SSH1: variants seen among roughly 807,000 people sequenced by gnomAD.
The protein encoded by SSH1 is slingshot protein phosphatase 1.
A neutral mutation model predicts 79.7 loss-of-function variants in SSH1; 43 were observed. The ratio of observed to expected loss-of-function variants is 0.54; its 90% CI spans 0.42 to 0.70. The LOEUF is 0.70. Ranked by LOEUF, SSH1 falls within the 30% of genes least tolerant of loss-of-function variation. SSH1 has a pLI of 0.00. For synonymous variants in SSH1, 599 were observed against 538.3 expected (o/e 1.11, Z -1.56); for missense variants, 1,206 against 1,358.8 (o/e 0.89, Z 1.77).
intron 2 of SSH1, chr12:108,836,777 C>T (rs985379443): frequency 2.6e-5 from 10 of 383,752 alleles, no homozygotes; most frequent in African/African-American, 1.8e-4. Context: ...CATAGTGGGA[C>T]AAAAGGAAAT....
At chr12:108,792,133 A>G in intron 14 of SSH1, 153 bp downstream of exon 14, 15 of 1,497,662 alleles carry the variant, frequency 1.0e-5, no homozygotes, top group Non-Finnish European at 1.3e-5. Context: ...GTCCCTGGAG[A>G]TGGGAGCTGG....
At position 108,807,949 on chromosome 12, in the gene SSH1, T is replaced by C; in HGVS notation, c.537-122A>G. On this transcript the variant is annotated intron_variant, in intron 7 of 14. Coordinates refer to ENST00000326495, the MANE Select transcript of SSH1 (RefSeq NM_018984.4). This position sits in a 1 kb window ranked among gnomAD's most constrained non-coding sequence, Gnocchi z 5.2. ...CAATGATTGATTGGTTGATTATTTCTTTTTGGGACAGAGTCTCGCTCTGTC... is the reference window on the plus strand; with the variant it reads ...CAATGATTGATTGGTTGATTATTTCCTTTTGGGACAGAGTCTCGCTCTGTC... 1.1e-6 allele frequency: 1 copy of C among 910,462 alleles called. No homozygotes were observed. The highest frequency in any genetic ancestry group is 1.7e-6 in the Non-Finnish European group (1 of 579,220). The allele number at this position is 910,462 out of a possible 1,614,324, so 56.4% of individuals were successfully genotyped here. A position where few individuals can be genotyped will look rare whatever the true frequency, so the allele number is the denominator to read the frequency against.
intron 2 of SSH1, among the ~76,000 whole-genome samples, chr12:108,835,792 G>C (rs1465762067): frequency 6.7e-6 from 1 of 150,254 alleles, no homozygotes; most frequent in African/African-American, 2.5e-5. Context: ...ACTGCTCACA[G>C]GCAAGGAATG....
In SSH1 at chr12:108,806,307, G is replaced by A. The variant is rs1286189052; in HGVS notation, c.819C>T (p.Ser273=). 1 of 1,614,076 alleles carries A rather than the reference G, an allele frequency of 6.2e-7. No homozygotes were observed. Among genetic ancestry groups the A allele is most frequent in the South Asian group, 1.1e-5 (1 of 91,086 alleles). The change falls in exon 9 of 15, where the codon TCC becomes TCT. Residue 273 remains serine (S), a synonymous_variant. Transcript: ENST00000326495. Reference sequence around the variant, plus strand: ...AAGGGAGGAGTTGTCTTACCTCTTTGGAAGTCACATTTTCTAGATCCTGGC... The same window carrying A: ...AAGGGAGGAGTTGTCTTACCTCTTTAGAAGTCACATTTTCTAGATCCTGGC... ...MMSQDLENVT[S]KEIRNELEKQ...
rs747249189 is a variant in SSH1, at chr12:108,805,193, T to C, written c.826-9A>G. ...TCTAATTCATTACGAATCTGTGGAG[T>C]AGAAAATATTAGGAAAAGTGATTTG... On this transcript the variant is annotated splice_polypyrimidine_tract_variant and intron_variant, in intron 9 of 14. Transcript: ENST00000326495. 2.7e-5 allele frequency: 43 copies of C among 1,608,754 alleles called. 1 individual carries two copies. The South Asian group carries it at 4.3e-4, about 16-fold the overall frequency.
At chr12:108,810,111 T>G (rs913581198) in intron 6 of SSH1, among the ~76,000 whole-genome samples, 3 of 152,102 alleles carry the variant, frequency 2.0e-5, no homozygotes, top group Non-Finnish European at 2.9e-5. Flanking sequence ...CCGTTCCTTT[T>G]TGTAATTGCA....
intron 1 of SSH1, among the ~76,000 whole-genome samples, chr12:108,854,371 C>G (rs2039103161): frequency 6.6e-6 from 1 of 152,170 alleles, no homozygotes; most frequent in Non-Finnish European, 1.5e-5. Flanking sequence ...TCAGAAATAA[C>G]AATGTTATGA....
At position 108,848,339 on chromosome 12, in the gene SSH1, G is replaced by A. The variant is rs143884596; in HGVS notation, c.110+4299C>T. Among the ~76,000 whole-genome samples the A allele has an allele frequency of 7.9e-5, 12 of 152,178 alleles. No homozygotes were observed. In the East Asian group the frequency reaches 2.1e-3, roughly 27 times the overall value. Reference sequence around the variant, plus strand: ...TGGATGAATCAGAGCTGACTTTTTCGATGACCCAAAAGATGAAACTATTAA... The same window carrying A: ...TGGATGAATCAGAGCTGACTTTTTCAATGACCCAAAAGATGAAACTATTAA... On this transcript the variant is annotated intron_variant, in intron 2 of 14. Coordinates refer to ENST00000326495, the MANE Select transcript of SSH1 (RefSeq NM_018984.4).
At chr12:108,801,583 T>A (rs1228341920) in intron 11 of SSH1, among the ~76,000 whole-genome samples, 4 of 152,196 alleles carry the variant, frequency 2.6e-5, no homozygotes, top group Non-Finnish European at 5.9e-5. Flanking sequence ...TGGCCTTACG[T>A]TTTAAGAATA....
intron 3 of SSH1, among the ~76,000 whole-genome samples, chr12:108,819,354 T>C (rs1183165885): frequency 6.6e-6 from 1 of 151,964 alleles, no homozygotes; most frequent in Non-Finnish European, 1.5e-5. Context: ...TGGCCATGAG[T>C]CTCGCGCGAA....
chr12:108,843,695 C>T (rs1438460475), intron 2 of SSH1, among the ~76,000 whole-genome samples: 2 of 152,076 alleles, frequency 1.3e-5, no homozygotes, highest in Non-Finnish European at 1.5e-5. Context: ...CCACCATACT[C>T]GGCTAATTTT....
rs796186761 is a variant in SSH1, at chr12:108,779,842, T to G, written c.*8146A>C. The G allele has an allele frequency of 3.9e-5, 6 of 152,104 alleles. No homozygotes were observed. The highest frequency in any genetic ancestry group is 1.4e-4 in the African/African-American group (6 of 41,498). 9.4% of individuals were successfully genotyped at this position (152,104 alleles called of 1,614,324 possible). ...GGCGCCCGCCATCATGCCCGGCTAA[T>G]TTTTGTATTTTTAGTTGAGACGGCG... On this transcript the variant is annotated 3_prime_UTR_variant, in exon 15 of 15. Coordinates refer to ENST00000326495, the MANE Select transcript of SSH1 (RefSeq NM_018984.4).
chr12:108,790,838 C>G (rs1045427662), intron 14 of SSH1, among the ~76,000 whole-genome samples: 8 of 152,200 alleles, frequency 5.3e-5, no homozygotes, highest in Non-Finnish European at 1.2e-4. Flanking sequence ...AAGCCAGAGG[C>G]AACAAAGTCA....
chr12:108,837,938 AC>A (rs2038680400), intron 2 of SSH1, among the ~76,000 whole-genome samples: 1 of 151,730 alleles, frequency 6.6e-6, no homozygotes, highest in Admixed American at 6.6e-5. Flanking sequence ...GTGTGCTGCC[AC>A]CCCCAGCTAA....
At chr12:108,812,503 C>A (rs1019430165) in intron 5 of SSH1, among the ~76,000 whole-genome samples, 3 of 152,206 alleles carry the variant, frequency 2.0e-5, no homozygotes, top group African/African-American at 7.2e-5. Flanking sequence ...AGGACGGGGG[C>A]AGGGCCAAGG....
intron 3 of SSH1, among the ~76,000 whole-genome samples, chr12:108,822,851 T>C (rs1279941016): frequency 6.6e-6 from 1 of 152,228 alleles, no homozygotes; most frequent in Non-Finnish European, 1.5e-5. Context: ...TGAGTGTTTT[T>C]CAAATGCTTG....
intron 4 of SSH1, 157 bp from the exon 5 acceptor site, chr12:108,817,316 G>T (rs1298308993): frequency 1.2e-5 from 13 of 1,101,282 alleles, no homozygotes; most frequent in Non-Finnish European, 1.6e-5. Flanking sequence ...GTTCAGGCCT[G>T]TAATCCCAGC....
At chr12:108,841,605 C>T (rs1235963054) in intron 2 of SSH1, among the ~76,000 whole-genome samples, 5 of 151,688 alleles carry the variant, frequency 3.3e-5, no homozygotes, top group Admixed American at 2.6e-4. Context: ...GTCAGGAGTT[C>T]GAGACCAACC....
chr12:108,831,024 T>C (rs2038459185), intron 2 of SSH1, among the ~76,000 whole-genome samples: 1 of 151,746 alleles, frequency 6.6e-6, no homozygotes, highest in South Asian at 2.1e-4. Flanking sequence ...CACAAAACCG[T>C]GTGGAAGACC....
Sources: allele counts gnomAD v4.1 joint callset (sites outside exome capture counted in the v4.1 genomes callset), GRCh38; gene constraint gnomAD v4.1.1; non-coding constraint Gnocchi (gnomAD v3.1); transcripts MANE v1.5; gene names NCBI Gene and HGNC (gene_info 2026-07-23, HGNC 2026-07-21).